Variants in SNPH observed in about 807,000 individuals in gnomAD.
SNPH encodes the protein syntaphilin.
SNPH carries 10 observed loss-of-function variants against 36.8 expected under a neutral mutation model. That is an observed-to-expected ratio of 0.27 (90% CI 0.17 to 0.46). The LOEUF (loss-of-function observed/expected upper bound fraction) is 0.46, where lower values mean the gene tolerates loss of function less well. Among genes scored for constraint, SNPH ranks in the 20% least tolerant of loss-of-function variants. The probability of loss-of-function intolerance (pLI) is 1.00; values close to 1 mark genes in which losing one functional copy is unlikely to be tolerated. For synonymous variants in SNPH, 281 were observed against 312.2 expected (o/e 0.90, Z 1.05); for missense variants, 622 against 744.0 (o/e 0.84, Z 1.91).
At chr20:1,273,621 G>A (rs1393569063) in intron 2 of SNPH, among the ~76,000 whole-genome samples, 1 of 152,128 alleles carries the variant, frequency 6.6e-6, no homozygotes, top group East Asian at 1.9e-4. Context: ...TTCTGAGTAT[G>A]AGGTGCTAGC....
rs557518313 is a variant in SNPH, at chr20:1,287,839, T to C, written c.-492-7112T>C. Among the ~76,000 whole-genome samples the C allele has an allele frequency of 5.6e-4, 85 of 152,344 alleles. 4 individuals carry two copies. The South Asian group carries it at 0.015, about 27-fold the overall frequency. ...AAGCCGGACTGAGGCTTGACAGCTC[T>C]ATCAGTCAGGAAGCCCAGGGAAGCA... On this transcript the variant is annotated intron_variant, in intron 2 of 6. Coordinates refer to ENST00000381867, the MANE Select transcript of SNPH (RefSeq NM_001318234.2).
intron 2 of SNPH, among the ~76,000 whole-genome samples, chr20:1,278,106 CTGTT>C (rs755511768): frequency 0.027 from 3,103 of 116,210 alleles, 138 homozygotes; most frequent in African/African-American, 0.098. Context: ...ATGTGTGTGT[CTGTT>C]TGTGTGTGTA....
At chr20:1,278,607 T>C (rs1285294440) in intron 2 of SNPH, among the ~76,000 whole-genome samples, 1 of 152,248 alleles carries the variant, frequency 6.6e-6, no homozygotes, top group Non-Finnish European at 1.5e-5. Flanking sequence ...TAATATAATA[T>C]GCACATTTTT....
At position 1,274,995 on chromosome 20, in the gene SNPH, C is replaced by T. The variant is rs571977146; in HGVS notation, c.-493+8235C>T. On this transcript the variant is annotated intron_variant, in intron 2 of 6. Coordinates refer to ENST00000381867, the MANE Select transcript of SNPH (RefSeq NM_001318234.2). ...TGCAGCCCCAGAGGGAGAAGGGGTG[C>T]GCTAAACATCACCTCTTCTGTGAGG... 2.5e-3 allele frequency among the ~76,000 whole-genome samples: 381 copies of T among 152,252 alleles called. 1 individual carries two copies. Among genetic ancestry groups the T allele is most frequent in the African/African-American group, 8.5e-3 (354 of 41,526 alleles).
At chr20:1,278,362 C>A (rs2088178017) in intron 2 of SNPH, among the ~76,000 whole-genome samples, 1 of 152,112 alleles carries the variant, frequency 6.6e-6, no homozygotes, top group South Asian at 2.1e-4. Context: ...TCTTTCCCAT[C>A]CTCCTCCTTC....
In SNPH at chr20:1,296,305, A is replaced by G. The variant is rs751882983; in HGVS notation, c.66A>G (p.Pro22=). 3.1e-4 allele frequency: 476 copies of G among 1,557,312 alleles called. 1 individual carries two copies. The highest frequency in any genetic ancestry group is 2.1e-3 in the Middle Eastern group (12 of 5,762). ...GCCCGGCCCTTTCTGCGGGCCCCCCAACCCGCCCTCTCTCCTCAGCCCCCG... is the reference window on the plus strand; with the variant it reads ...GCCCGGCCCTTTCTGCGGGCCCCCCGACCCGCCCTCTCTCCTCAGCCCCCG... ...WPGPALSAGP[P]TRPLSSAPGI... Residue 22 remains proline, a synonymous_variant, in exon 4 of 7, where the codon CCA becomes CCG. Transcript: ENST00000381867.
chr20:1,280,834 G>C (rs114902198), intron 2 of SNPH, among the ~76,000 whole-genome samples: 1 of 152,120 alleles, frequency 6.6e-6, no homozygotes, highest in East Asian at 1.9e-4. Flanking sequence ...CCTCGATTTC[G>C]AATCCAGCTC....
rs147296928 is a variant in SNPH at position 1,305,414 on chromosome 20, G to T, written c.977G>T (p.Gly326Val). 2.9e-4 allele frequency: 466 copies of T among 1,613,062 alleles called. 1 individual carries two copies. Among genetic ancestry groups the T allele is most frequent in the Non-Finnish European group, 3.5e-4 (410 of 1,180,014 alleles). ...GAGACCTCGCTGCACAGCTCCTTCG[G>T]CCTGGGCCCCCGCTTCCCTGCCAGC... ...TEETSLHSSF[G>V]LGPRFPASNT... is the part of the protein sequence containing the mutation. The change falls in exon 7 of 7, where the codon GGC (glycine) becomes GTC (valine). Residue 326 changes from glycine to valine, a missense_variant. This residue lies in a region of SNPH where 379 missense variants were observed against 427.9 expected (regional missense o/e 0.89). Coordinates refer to ENST00000381867, the MANE Select transcript of SNPH (RefSeq NM_001318234.2).
At chr20:1,279,832 T>G (rs1004435959) in intron 2 of SNPH, among the ~76,000 whole-genome samples, 34 of 152,160 alleles carry the variant, frequency 2.2e-4, no homozygotes, top group Non-Finnish European at 1.6e-4. Context: ...GGCTGGCCCT[T>G]GATGCCTTTT....
At position 1,300,862 on chromosome 20, in the gene SNPH, G is replaced by T. The variant is rs2088498900; in HGVS notation, c.440+151G>T. 3 of 813,740 alleles carry T rather than the reference G, an allele frequency of 3.7e-6. No homozygotes were observed. In the Admixed American group the frequency reaches 9.0e-5, roughly 24 times the overall value. The allele number at this position is 813,740 out of a possible 1,614,324, so 50.4% of individuals were successfully genotyped here. A position where few individuals can be genotyped will look rare whatever the true frequency, so the allele number is the denominator to read the frequency against. ...TCCTTCCCAGCAAAGCCTCATTTGAGCCCACTTGCAGACCCTCATCCCCAG... is the reference window on the plus strand; with the variant it reads ...TCCTTCCCAGCAAAGCCTCATTTGATCCCACTTGCAGACCCTCATCCCCAG... On this transcript the variant is annotated intron_variant, in intron 6 of 6. Coordinates refer to ENST00000381867, the MANE Select transcript of SNPH (RefSeq NM_001318234.2).
At chr20:1,299,791 G>C (rs1315625527) in intron 5 of SNPH, among the ~76,000 whole-genome samples, 1 of 152,228 alleles carries the variant, frequency 6.6e-6, no homozygotes. Flanking sequence ...GCACAAGTGT[G>C]TCTCCATGTA....
Position 1,307,153 on chromosome 20 carries a change from G to C in SNPH, c.*1099G>C, listed in dbSNP as rs527356220. The stretch of plus-strand genomic sequence containing the variant: ...GAGGTGGCTGCTTGCTGTCTGAGAT[G>C]AGGGTTCCTAAACCTTAAACCTCTC... On this transcript the variant is annotated 3_prime_UTR_variant, in exon 7 of 7. Transcript: ENST00000381867. 28 of 152,836 alleles carry C rather than the reference G, an allele frequency of 1.8e-4. No individual in the cohort carries two copies. The highest frequency in any genetic ancestry group is 6.3e-4 in the African/African-American group (26 of 41,580). 9.5% of individuals were successfully genotyped at this position (152,836 alleles called of 1,614,324 possible). A position where few individuals can be genotyped will look rare whatever the true frequency, so the allele number is the denominator to read the frequency against.
At chr20:1,299,732 G>A (rs1193929815) in intron 5 of SNPH, among the ~76,000 whole-genome samples, 1 of 152,236 alleles carries the variant, frequency 6.6e-6, no homozygotes, top group Non-Finnish European at 1.5e-5. Flanking sequence ...AGGTGAAAGT[G>A]TGAACATGTG....
At chr20:1,299,619 G>T (rs1432408361) in intron 5 of SNPH, among the ~76,000 whole-genome samples, 1 of 152,186 alleles carries the variant, frequency 6.6e-6, no homozygotes, top group Non-Finnish European at 1.5e-5. Context: ...CCTGTGCTGG[G>T]AGCAGTGCAC....
intron 2 of SNPH, among the ~76,000 whole-genome samples, chr20:1,268,702 T>G (rs2088038128): frequency 6.8e-6 from 1 of 147,280 alleles, no homozygotes; most frequent in Non-Finnish European, 1.5e-5. Flanking sequence ...AGGCCCAAAG[T>G]AGGTGCTCCG....
Sources: allele counts gnomAD v4.1 joint callset (sites outside exome capture counted in the v4.1 genomes callset), GRCh38; gene constraint gnomAD v4.1.1; regional missense constraint gnomAD v4.1.1; transcripts MANE v1.5; gene names NCBI Gene and HGNC (gene_info 2026-07-23, HGNC 2026-07-21).